HDGFL3: variants seen among roughly 807,000 people sequenced by gnomAD.
HDGFL3 encodes the protein HDGF like 3, also known as hepatoma-derived growth factor-related protein 3.
In HDGFL3, 6 loss-of-function variants were observed where a neutral mutation model predicts 27.6. That is an observed-to-expected ratio of 0.22 (90% CI 0.12 to 0.43). HDGFL3 has a LOEUF of 0.43. Ranked by LOEUF, HDGFL3 falls within the 20% of genes least tolerant of loss-of-function variation. HDGFL3 has a pLI of 1.00. For missense variants in HDGFL3, 207 were observed against 250.1 expected, an observed-to-expected ratio of 0.83 and a Z score of 1.16; for synonymous variants, 88 against 88.9, an observed-to-expected ratio of 0.99 and a Z score of 0.05.
At chr15:83,197,389 T>C (rs895625819) in intron 1 of HDGFL3, among the ~76,000 whole-genome samples, 5 of 152,204 alleles carry the variant, frequency 3.3e-5, no homozygotes, top group African/African-American at 7.2e-5. Flanking sequence ...TTTTCAGAAA[T>C]GTTTCTTTTA....
At chr15:83,156,263 G>A (rs576423220) in intron 4 of HDGFL3, among the ~76,000 whole-genome samples, 5 of 152,174 alleles carry the variant, frequency 3.3e-5, no homozygotes, top group South Asian at 2.1e-4. Context: ...TAAACTACAC[G>A]TTTTCAGAAA....
At position 83,128,464 on chromosome 15, in the gene HDGFL3, GGTT is replaced by G. The variant is rs1361129163; in HGVS notation, c.*10803_*10805del. 3.9e-5 allele frequency: 6 copies of G among 152,298 alleles called. No homozygotes were observed. In the East Asian group the frequency reaches 1.2e-3, roughly 29 times the overall value. The allele number at this position is 152,298 out of a possible 1,614,324, so 9.4% of individuals were successfully genotyped here. A position where few individuals can be genotyped will look rare whatever the true frequency, so the allele number is the denominator to read the frequency against. Reference sequence around the variant, plus strand: ...GAACTAACATTTATTGCTCTTTGCTGGTTGTTTTTCCTTTGCAGACCTCTAAAT... The same window carrying G: ...GAACTAACATTTATTGCTCTTTGCTGGTTTTTCCTTTGCAGACCTCTAAAT... On this transcript the variant is annotated 3_prime_UTR_variant, in exon 6 of 6. Transcript: ENST00000299633.
chr15:83,190,340 T>C lies in HDGFL3; in HGVS notation c.84+16991A>G, dbSNP rs1215495535. On this transcript the variant is annotated intron_variant, in intron 1 of 5. Coordinates refer to ENST00000299633, the MANE Select transcript of HDGFL3 (RefSeq NM_016073.4). ...AGTGTACAACTAGGATTAGAGATGC[T>C]AAGTCAGAAAGTATGCAAAATCCAA... Among the ~76,000 whole-genome samples, 3 of 152,176 alleles carry C rather than the reference T, an allele frequency of 2.0e-5. No homozygotes were observed. The East Asian group carries it at 5.8e-4, about 29-fold the overall frequency.
chr15:83,127,485 G>C (rs752529131), downstream of HDGFL3: 8 of 1,612,476 alleles, frequency 5.0e-6, no homozygotes, highest in Admixed American at 1.2e-4. Context: ...CAGGTACTAA[G>C]AATATTCTGT....
intron 1 of HDGFL3, among the ~76,000 whole-genome samples, chr15:83,186,451 G>A (rs886517123): frequency 2.6e-5 from 4 of 152,074 alleles, no homozygotes; most frequent in Non-Finnish European, 5.9e-5. Context: ...TCAAACTACT[G>A]GTTAAAGATG....
chr15:83,202,600 T>C (rs950644659), intron 1 of HDGFL3, among the ~76,000 whole-genome samples: 1 of 152,176 alleles, frequency 6.6e-6, no homozygotes, highest in African/African-American at 2.4e-5. Flanking sequence ...ATTTAATCCA[T>C]GTAGAAGTAT....
intron 3 of HDGFL3, chr15:83,119,901 A>G: frequency 2.0e-6 from 1 of 497,874 alleles, no homozygotes; most frequent in Middle Eastern, 5.6e-4. Context: ...GCTCGGGCAG[A>G]CCCTTTAAGC....
Position 83,131,262 on chromosome 15 carries a change from G to A in HDGFL3, c.*8008C>T, listed in dbSNP as rs1160389091. ...ACTGAAACATCTAGTAAACTCTCAA[G>A]AATCTATGCAACTTAGTAAGGGAAA... On this transcript the variant is annotated 3_prime_UTR_variant, in exon 6 of 6. Coordinates refer to ENST00000299633, the MANE Select transcript of HDGFL3 (RefSeq NM_016073.4). 1.3e-5 allele frequency: 2 copies of A among 151,740 alleles called. No individual in the cohort carries two copies. The highest frequency in any genetic ancestry group is 3.9e-4 in the East Asian group (2 of 5,180). 9.4% of individuals were successfully genotyped at this position (151,740 alleles called of 1,614,324 possible).
downstream of HDGFL3, chr15:83,127,576 T>A (rs771798887): frequency 7.5e-7 from 1 of 1,334,554 alleles, no homozygotes; most frequent in African/African-American, 1.5e-5. Context: ...GACTAGGAGA[T>A]AGCTATTAGA....
rs766073196 is a variant in HDGFL3 at position 83,121,969 on chromosome 15, G to A, written c.394-6228C>T. 93 of 1,611,282 alleles carry A rather than the reference G, an allele frequency of 5.8e-5. No individual in the cohort carries two copies. Among genetic ancestry groups the A allele is most frequent in the African/African-American group, 8.0e-5 (6 of 74,794 alleles). On this transcript the variant is annotated intron_variant, in intron 3 of 3. Coordinates refer to the HDGFL3 transcript ENST00000568294. ...TATATTGGGTTGGATCTATTATTAT[G>A]AGTGTTGTTGTTTTTGTGCCAGGAA...
chr15:83,189,045 T>G (rs932926702), intron 1 of HDGFL3, among the ~76,000 whole-genome samples: 5 of 152,194 alleles, frequency 3.3e-5, no homozygotes, highest in Non-Finnish European at 7.4e-5. Flanking sequence ...CATCACTGTG[T>G]CCTTCAATTA....
At chr15:83,140,838 T>C (rs945803347) in intron 5 of HDGFL3, among the ~76,000 whole-genome samples, 4 of 152,212 alleles carry the variant, frequency 2.6e-5, no homozygotes, top group African/African-American at 7.2e-5. Flanking sequence ...ATAAATTCTA[T>C]GTTTATCTTG....
exon 4 of HDGFL3, chr15:83,115,540 G>A (rs1228849992): frequency 1.2e-5 from 6 of 497,504 alleles, no homozygotes; most frequent in Middle Eastern, 5.0e-4. Flanking sequence ...GTAGGGGAGT[G>A]GAGGATGGGT....
At chr15:83,150,232 G>A (rs960835231) in intron 5 of HDGFL3, among the ~76,000 whole-genome samples, 2 of 152,150 alleles carry the variant, frequency 1.3e-5, no homozygotes, top group African/African-American at 2.4e-5. Flanking sequence ...ATATTGAAGC[G>A]ACCTGACATA....
At chr15:83,204,696 G>C (rs2037695495) in intron 1 of HDGFL3, among the ~76,000 whole-genome samples, 1 of 152,180 alleles carries the variant, frequency 6.6e-6, no homozygotes, top group South Asian at 2.1e-4. Context: ...AAGGAAAAAG[G>C]TAGGAACATA....
chr15:83,207,564 G>C lies in HDGFL3; in HGVS notation c.-150C>G. ...TCCGACGAGGGGAAGCGGCGAGGCG[G>C]CGGCTGAGGCAAGGGGTGGGCGGGG... is the stretch of plus-strand genomic sequence containing the variant. On this transcript the variant is annotated 5_prime_UTR_variant, in exon 1 of 6. Transcript: ENST00000299633. This position sits in a 1 kb window ranked among gnomAD's most constrained non-coding sequence, Gnocchi z 4.8. 1 of 482,656 alleles carries C rather than the reference G, an allele frequency of 2.1e-6. No individual in the cohort carries two copies. Among genetic ancestry groups the C allele is most frequent in the Non-Finnish European group, 3.2e-6 (1 of 312,314 alleles). 29.9% of individuals were successfully genotyped at this position (482,656 alleles called of 1,614,324 possible).
intron 5 of HDGFL3, among the ~76,000 whole-genome samples, chr15:83,142,380 T>A (rs1389239691): frequency 2.0e-5 from 3 of 152,204 alleles, no homozygotes. Flanking sequence ...TGTGGGAACA[T>A]GCATAGAGCT....
intron 1 of HDGFL3, among the ~76,000 whole-genome samples, chr15:83,186,690 A>G (rs1001958388): frequency 6.6e-6 from 1 of 152,138 alleles, no homozygotes; most frequent in Admixed American, 6.5e-5. Context: ...TGAGTACGCA[A>G]AGGCATACAG....
chr15:83,207,221 G>A lies in HDGFL3; in HGVS notation c.84+110C>T, dbSNP rs1210317390. ...GCCGCCCTCAGCCCTCACCACAGCCGGCCGCGAGCTGCGGGCTCGGGGCTG... is the reference window on the plus strand; with the variant it reads ...GCCGCCCTCAGCCCTCACCACAGCCAGCCGCGAGCTGCGGGCTCGGGGCTG... On this transcript the variant is annotated intron_variant, in intron 1 of 5. Coordinates refer to ENST00000299633, the MANE Select transcript of HDGFL3 (RefSeq NM_016073.4). This position sits in a 1 kb window ranked among gnomAD's most constrained non-coding sequence, Gnocchi z 4.8. 1.2e-5 allele frequency: 9 copies of A among 737,862 alleles called. No individual in the cohort carries two copies. In the East Asian group the frequency reaches 2.4e-4, roughly 20 times the overall value. 45.7% of individuals were successfully genotyped at this position (737,862 alleles called of 1,614,324 possible).
Sources: allele counts gnomAD v4.1 joint callset (sites outside exome capture counted in the v4.1 genomes callset), GRCh38; gene constraint gnomAD v4.1.1; non-coding constraint Gnocchi (gnomAD v3.1); transcripts MANE v1.5; gene names NCBI Gene and HGNC (gene_info 2026-07-23, HGNC 2026-07-21).